The following DKK3 variants were observed in gnomAD, a reference collection of about 807,000 sequenced individuals.
DKK3 encodes the protein dickkopf Wnt signaling pathway inhibitor 3, also known as dickkopf-related protein 3.
Under a neutral mutation model 33.2 loss-of-function variants are expected in DKK3, and 22 were observed. The ratio of observed to expected loss-of-function variants is 0.66; its 90% CI spans 0.47 to 0.95. DKK3 has a LOEUF of 0.95. Among genes scored for constraint, DKK3 ranks in the 40% least tolerant of loss-of-function variants. The pLI is 0.00. For missense variants in DKK3, 398 were observed against 458.4 expected, an observed-to-expected ratio of 0.87 and a Z score of 1.20; for synonymous variants, 194 against 188.8, an observed-to-expected ratio of 1.03 and a Z score of -0.23.
rs1186967744 is a variant in DKK3, at chr11:11,963,480, TC to T, written c.*983del. ...TATGCTACGCTCAGTCATATACCTT[TC>T]AAAGTTACTAATGCAACTGCCAAAG... On this transcript the variant is annotated 3_prime_UTR_variant, in exon 7 of 7. Transcript: ENST00000683431. The T allele has an allele frequency of 1.3e-5, 2 of 152,262 alleles. No individual in the cohort carries two copies. The highest frequency in any genetic ancestry group is 2.9e-5 in the Non-Finnish European group (2 of 68,052). 9.4% of individuals were successfully genotyped at this position (152,262 alleles called of 1,614,324 possible). A position where few individuals can be genotyped will look rare whatever the true frequency, so the allele number is the denominator to read the frequency against.
intron 2 of DKK3, among the ~76,000 whole-genome samples, chr11:12,000,292 G>T (rs186798763): frequency 6.6e-6 from 1 of 151,916 alleles, no homozygotes; most frequent in Non-Finnish European, 1.5e-5. Flanking sequence ...TGCAACCTCC[G>T]CCTCCCAGGT....
chr11:11,965,038 C>T (rs1352405945), intron 6 of DKK3, among the ~76,000 whole-genome samples: 1 of 152,214 alleles, frequency 6.6e-6, no homozygotes, highest in Non-Finnish European at 1.5e-5. Flanking sequence ...AGGAGTCAGC[C>T]TGACTCTGGG....
In DKK3 at chr11:12,008,576, G is replaced by C; in HGVS notation, c.7C>G (p.Arg3Gly). Residue 3 changes from arginine to glycine, a missense_variant, in exon 1 of 7, where the codon CGG (arginine) becomes GGG (glycine). By Grantham distance (125) the Arg-to-Gly change is moderately radical. Coordinates refer to ENST00000683431, the MANE Select transcript of DKK3 (RefSeq NM_001018057.2). The surrounding 1 kb of genome is among the most constrained non-coding windows in gnomAD (Gnocchi z 4.6). MQ[R>G]LGATLLCLLL... ...AGGCACAGCAGGGTGGCCCCAAGCC[G>C]CTGCATCTCCGCTCTGCGCCCGCAG... is the stretch of plus-strand genomic sequence containing the variant. 6.8e-7 allele frequency: 1 copy of C among 1,459,988 alleles called. No individual in the cohort carries two copies. Among genetic ancestry groups the C allele is most frequent in the Non-Finnish European group, 9.0e-7 (1 of 1,115,932 alleles). The allele number at this position is 1,459,988 out of a possible 1,614,324, so 90.4% of individuals were successfully genotyped here.
chr11:12,009,366 C>A (rs1332158859), upstream of DKK3: 142 of 960,642 alleles, frequency 1.5e-4, no homozygotes, highest in Middle Eastern at 5.3e-4. Context: ...GGCTCCCTCT[C>A]CGCCCCCGCC....
chr11:11,974,258 A>G (rs1422276191), intron 3 of DKK3, among the ~76,000 whole-genome samples: 1 of 152,260 alleles, frequency 6.6e-6, no homozygotes, highest in Non-Finnish European at 1.5e-5. Flanking sequence ...AGCGCCAACC[A>G]GTTGCCTGCA....
intron 3 of DKK3, among the ~76,000 whole-genome samples, chr11:11,976,824 TGA>T (rs60126272): frequency 0.14 from 20,774 of 152,248 alleles, 1,784 homozygotes; most frequent in Middle Eastern, 0.38. Context: ...TCCCCATTCC[TGA>T]GAGTCCTTTT....
chr11:11,966,047 A>AACCTCCC, intron 5 of DKK3, 82 bp from the exon 6 acceptor site: 1 of 1,465,582 alleles, frequency 6.8e-7, no homozygotes, highest in Non-Finnish European at 9.1e-7. Flanking sequence ...AATGGAGCAT[A>AACCTCCC]ACCTCCCACC....
chr11:11,986,169 T>C (rs540823077), intron 3 of DKK3, among the ~76,000 whole-genome samples: 7 of 152,156 alleles, frequency 4.6e-5, no homozygotes, highest in African/African-American at 1.7e-4. Context: ...AGGGTGTTTT[T>C]CTATCCTAGC....
chr11:11,967,480 C>A (rs1006264819), intron 4 of DKK3, among the ~76,000 whole-genome samples: 1 of 152,202 alleles, frequency 6.6e-6, no homozygotes, highest in Non-Finnish European at 1.5e-5. Flanking sequence ...AAGGCCCAAG[C>A]CAGCCCAAGA....
chr11:12,004,502 G>A (rs1376220311), intron 1 of DKK3, among the ~76,000 whole-genome samples: 2 of 152,202 alleles, frequency 1.3e-5, no homozygotes, highest in East Asian at 3.8e-4. Context: ...ATGGCCACTG[G>A]ATGAGTCAAG....
At chr11:12,004,336 AG>A (rs1848494548) in intron 1 of DKK3, among the ~76,000 whole-genome samples, 1 of 152,280 alleles carries the variant, frequency 6.6e-6, no homozygotes, top group East Asian at 1.9e-4. Flanking sequence ...AAGTTCCAGA[AG>A]GCTAGCGGGA....
chr11:11,975,294 T>A (rs1420454033), intron 3 of DKK3, among the ~76,000 whole-genome samples: 5 of 151,874 alleles, frequency 3.3e-5, no homozygotes. Context: ...GACAGAGGGG[T>A]GGTCAGTGGG....
chr11:11,981,900 C>A (rs959314322), intron 3 of DKK3, among the ~76,000 whole-genome samples: 2 of 152,094 alleles, frequency 1.3e-5, no homozygotes, highest in Admixed American at 6.5e-5. Flanking sequence ...GCAGCTCCCC[C>A]ACCCCCAGCA....
At position 11,967,274 on chromosome 11, in the gene DKK3, G is replaced by A. The variant is rs192118786; in HGVS notation, c.529-176C>T. Among the ~76,000 whole-genome samples, 24 of 152,332 alleles carry A rather than the reference G, an allele frequency of 1.6e-4. No homozygotes were observed. The East Asian group carries it at 3.7e-3, about 23-fold the overall frequency. ...GGACAGAGGTGGGAGCTTGGCTGGCGAGACATGGGGGTCAGAACGCTGGAA... is the reference window on the plus strand; with the variant it reads ...GGACAGAGGTGGGAGCTTGGCTGGCAAGACATGGGGGTCAGAACGCTGGAA... On this transcript the variant is annotated intron_variant, in intron 4 of 6. Coordinates refer to ENST00000683431, the MANE Select transcript of DKK3 (RefSeq NM_001018057.2).
Position 11,968,466 on chromosome 11 carries a change from A to T in DKK3, c.457T>A (p.Cys153Ser), listed in dbSNP as rs1363105127. 5 of 1,613,186 alleles carry T rather than the reference A, an allele frequency of 3.1e-6. No individual in the cohort carries two copies. Among genetic ancestry groups the T allele is most frequent in the Non-Finnish European group, 4.2e-6 (5 of 1,179,634 alleles). The stretch of plus-strand genomic sequence containing the variant: ...AACTGGCAGTACATGCTGGGCCCAC[A>T]GTCCTCGTCGATGATGCACTCCTGG... ...RSHECIIDED[C>S]GPSMYCQFAS... Residue 153 changes from cysteine to serine, a missense_variant, in exon 4 of 7, where the codon TGT becomes AGT. Physicochemically the swap from Cys to Ser is moderately radical, Grantham distance 112 (BLOSUM62 -1). Coordinates refer to ENST00000683431, the MANE Select transcript of DKK3 (RefSeq NM_001018057.2).
intron 3 of DKK3, among the ~76,000 whole-genome samples, chr11:11,989,068 A>G (rs79510358): frequency 6.6e-6 from 1 of 151,808 alleles, no homozygotes; most frequent in African/African-American, 2.4e-5. Flanking sequence ...TGAAAGGTTG[A>G]AAAAAAAACT....
intron 3 of DKK3, among the ~76,000 whole-genome samples, chr11:11,995,148 T>C (rs1471971732): frequency 6.6e-6 from 1 of 152,302 alleles, no homozygotes; most frequent in African/African-American, 2.4e-5. Flanking sequence ...GATGCAATCA[T>C]AGCTCACTGC....
chr11:11,998,796 A>G lies in DKK3; in HGVS notation c.352-17T>C. 6.3e-7 allele frequency: 1 copy of G among 1,596,356 alleles called. No individual in the cohort carries two copies. Among genetic ancestry groups the G allele is most frequent in the Non-Finnish European group, 8.6e-7 (1 of 1,164,284 alleles). ...GTTGGTTATCTACAGTAAAACAGGT[A>G]CAATGAAAGTAAAATAGAAGGAATT... On this transcript the variant is annotated splice_polypyrimidine_tract_variant and intron_variant, in intron 2 of 6. Coordinates refer to ENST00000683431, the MANE Select transcript of DKK3 (RefSeq NM_001018057.2).
chr11:12,005,902 T>C (rs545329828), intron 1 of DKK3, among the ~76,000 whole-genome samples: 22 of 152,328 alleles, frequency 1.4e-4, no homozygotes, highest in African/African-American at 5.1e-4. Flanking sequence ...TTTAGTATTT[T>C]AAGATTAATT....
Sources: allele counts gnomAD v4.1 joint callset (sites outside exome capture counted in the v4.1 genomes callset), GRCh38; gene constraint gnomAD v4.1.1; non-coding constraint Gnocchi (gnomAD v3.1); transcripts MANE v1.5; gene names NCBI Gene and HGNC (gene_info 2026-07-23, HGNC 2026-07-21).